ANTXRL: variants seen among roughly 807,000 people sequenced by gnomAD.
ANTXRL encodes the protein ANTXR like.
Under a neutral mutation model 75.4 loss-of-function variants are expected in ANTXRL, and 63 were observed. That is an observed-to-expected ratio of 0.84 (90% CI 0.68 to 1.03). The LOEUF is 1.03. Ranked by LOEUF, ANTXRL falls within the 50% of genes least tolerant of loss-of-function variation. The pLI, the probability that ANTXRL is intolerant of heterozygous loss-of-function variation, is 0.00. For missense variants in ANTXRL, 797 were observed against 789.4 expected, an observed-to-expected ratio of 1.01 and a Z score of -0.12; for synonymous variants, 335 against 291.3, an observed-to-expected ratio of 1.15 and a Z score of -1.53.
At position 46,329,960 on chromosome 10, in the gene ANTXRL, G is replaced by C; in HGVS notation, c.1772G>C (p.Arg591Thr). Residue 591 changes from arginine (R) to threonine (T), a missense_variant, in exon 17 of 17, where the codon AGG becomes ACG. By Grantham distance (71) the Arg-to-Thr change is moderately conservative (BLOSUM62 -1). This residue lies in a region of ANTXRL where 479 missense variants were observed against 422.0 expected (regional missense o/e 1.14). Coordinates refer to ENST00000620264, the MANE Select transcript of ANTXRL (RefSeq NM_001278688.3). ...RECLPLTCSS[R>T]CRLPPARCLR... ...TGCCTCCCCCTCACCTGCTCCTCCAGGTGCCGCCTCCCCCCAGCTAGGTGC... is the reference window on the plus strand; with the variant it reads ...TGCCTCCCCCTCACCTGCTCCTCCACGTGCCGCCTCCCCCCAGCTAGGTGC... 6.5e-7 allele frequency: 1 copy of C among 1,534,632 alleles called. No individual in the cohort carries two copies. The highest frequency in any genetic ancestry group is 8.7e-7 in the Non-Finnish European group (1 of 1,146,460).
In ANTXRL at chr10:46,318,507, C is replaced by CA. The variant is rs558867933; in HGVS notation, c.1410+5191_1410+5192insA. On this transcript the variant is annotated intron_variant, in intron 16 of 16. Transcript: ENST00000620264. ...ATTTGATCAAAACGACAAGTTCACT[C>CA]GAAAAAAATAGACAGTTAAGAATCA... Among the ~76,000 whole-genome samples the CA allele has an allele frequency of 1.4e-3, 206 of 150,022 alleles. 2 individuals are homozygous for CA. Among genetic ancestry groups the CA allele is most frequent in the African/African-American group, 4.9e-3 (193 of 39,680 alleles).
At chr10:46,304,171 C>T (rs1285305617) in intron 10 of ANTXRL, among the ~76,000 whole-genome samples, 1 of 152,274 alleles carries the variant, frequency 6.6e-6, no homozygotes, top group East Asian at 1.9e-4. Flanking sequence ...TTACTGAGCA[C>T]TTATATCAGA....
At chr10:46,321,389 G>C (rs1838970506) in intron 16 of ANTXRL, among the ~76,000 whole-genome samples, 1 of 152,132 alleles carries the variant, frequency 6.6e-6, no homozygotes. Flanking sequence ...GTCTGCTTCT[G>C]GGGAGAAATT....
chr10:46,324,996 A>G (rs1839147150), intron 16 of ANTXRL, among the ~76,000 whole-genome samples: 1 of 152,126 alleles, frequency 6.6e-6, no homozygotes, highest in African/African-American at 2.4e-5. Context: ...AACCCTCACC[A>G]CAGAGATGAT....
chr10:46,310,535 C>T, intron 14 of ANTXRL, 36 bp downstream of exon 14: 1 of 1,532,380 alleles, frequency 6.5e-7, no homozygotes, highest in Non-Finnish European at 8.7e-7. Context: ...TTGTCACATC[C>T]CAAGGAGCCC....
intron 16 of ANTXRL, 22 bp downstream of exon 16, chr10:46,313,338 C>G: frequency 6.5e-7 from 1 of 1,533,642 alleles, no homozygotes; most frequent in Non-Finnish European, 8.7e-7. Flanking sequence ...CACAGGGACA[C>G]AGTTGATGGA....
intron 16 of ANTXRL, among the ~76,000 whole-genome samples, chr10:46,322,862 T>A (rs1463931265): frequency 6.6e-6 from 1 of 152,212 alleles, no homozygotes; most frequent in Non-Finnish European, 1.5e-5. Flanking sequence ...TATATCCTAA[T>A]AGTTTCAGCA....
intron 3 of ANTXRL, among the ~76,000 whole-genome samples, chr10:46,295,431 C>A (rs1344969948): frequency 1.3e-5 from 2 of 151,126 alleles, no homozygotes; most frequent in Non-Finnish European, 2.9e-5. Flanking sequence ...CTCAGTTGCC[C>A]ATCCCTGGTT....
intron 1 of ANTXRL, 94 bp downstream of exon 1, chr10:46,287,604 C>G (rs1286609712): frequency 7.0e-7 from 1 of 1,438,194 alleles, no homozygotes. Context: ...GAGATGCAAG[C>G]TTCCGTCACA....
chr10:46,315,441 G>A (rs1186046537), intron 16 of ANTXRL, among the ~76,000 whole-genome samples: 37 of 151,422 alleles, frequency 2.4e-4, no homozygotes, highest in Non-Finnish European at 3.2e-4. Context: ...GCCAGGACAG[G>A]CATAGGCTGT....
intron 1 of ANTXRL, 73 bp downstream of exon 1, chr10:46,287,583 C>G: frequency 1.4e-6 from 2 of 1,471,342 alleles, no homozygotes; most frequent in Non-Finnish European, 1.8e-6. Context: ...AGGGACAGGA[C>G]ACCACTCAAG....
chr10:46,299,705 A>G (rs1346270991), intron 9 of ANTXRL, among the ~76,000 whole-genome samples: 3 of 152,202 alleles, frequency 2.0e-5, no homozygotes, highest in Non-Finnish European at 4.4e-5. Flanking sequence ...GACCAGGAGC[A>G]AATTGTCCAA....
intron 11 of ANTXRL, 38 bp from the exon 12 acceptor site, chr10:46,307,364 T>C (rs1384670187): frequency 2.1e-6 from 3 of 1,420,662 alleles, no homozygotes; most frequent in Middle Eastern, 1.7e-4. Context: ...TGCATCTCTC[T>C]GGACTGGCTC....
chr10:46,300,638 T>C (rs34583261), intron 9 of ANTXRL, among the ~76,000 whole-genome samples: 23,363 of 151,410 alleles, frequency 0.15, 2,399 homozygotes, highest in African/African-American at 0.3. Flanking sequence ...TCTGCAAGCC[T>C]TGCCTCACCT....
At chr10:46,312,289 G>A (rs1838473571) in intron 15 of ANTXRL, among the ~76,000 whole-genome samples, 1 of 150,316 alleles carries the variant, frequency 6.7e-6, no homozygotes, top group Admixed American at 6.7e-5. Flanking sequence ...AGACACCTGT[G>A]CAGGAGCTTG....
intron 13 of ANTXRL, among the ~76,000 whole-genome samples, chr10:46,309,711 T>C (rs1838311611): frequency 1.3e-5 from 2 of 152,008 alleles, no homozygotes; most frequent in South Asian, 4.1e-4. Flanking sequence ...TTCATCTGTC[T>C]TTACTGAGCT....
chr10:46,289,924 A>G (rs1836913176), intron 1 of ANTXRL, among the ~76,000 whole-genome samples: 1 of 151,746 alleles, frequency 6.6e-6, no homozygotes, highest in Non-Finnish European at 1.5e-5. Context: ...TTTCTGTCTG[A>G]CCTTTTTCAC....
chr10:46,326,014 G>C (rs1223507473), intron 16 of ANTXRL, among the ~76,000 whole-genome samples: 1 of 151,692 alleles, frequency 6.6e-6, no homozygotes, highest in Non-Finnish European at 1.5e-5. Flanking sequence ...TCTAAGCTCA[G>C]TTTTAGGCCA....
intron 16 of ANTXRL, among the ~76,000 whole-genome samples, chr10:46,321,616 C>T (rs781936426): frequency 6.6e-6 from 1 of 152,196 alleles, no homozygotes; most frequent in South Asian, 2.1e-4. Context: ...ACAGATTCTA[C>T]ACCATGAAAG....
Sources: gnomAD v4.1 joint callset for allele counts (sites outside exome capture counted in the v4.1 genomes callset) on GRCh38, gnomAD v4.1.1 for gene constraint, gnomAD v4.1.1 regional missense constraint, MANE v1.5 for transcripts, NCBI Gene and HGNC (gene_info 2026-07-23, HGNC 2026-07-21) for gene names.